The following DLG2 variants were observed in gnomAD, a reference collection of about 807,000 sequenced individuals.
DLG2 encodes disks large homolog 2.
A neutral mutation model predicts 132.5 loss-of-function variants in DLG2; 45 were observed. The ratio of observed to expected loss-of-function variants is 0.34; its 90% confidence interval spans 0.27 to 0.44. The LOEUF is 0.44. Ranked by LOEUF, DLG2 falls within the 20% of genes least tolerant of loss-of-function variation. The pLI, the probability that DLG2 is intolerant of heterozygous loss-of-function variation, is 1.00. For synonymous variants in DLG2, 424 were observed against 419.6 expected (o/e 1.01, Z -0.13); for missense variants, 1,045 against 1,196.9 (o/e 0.87, Z 1.87).
chr11:84,785,156 G>C (rs1489885001), intron 6 of DLG2, among the ~76,000 whole-genome samples: 1 of 151,374 alleles, frequency 6.6e-6, no homozygotes, highest in Non-Finnish European at 1.5e-5. Flanking sequence ...GCTATATATG[G>C]TTTGCATGTC....
At chr11:84,723,457 G>A (rs2153801016) in intron 6 of DLG2, among the ~76,000 whole-genome samples, 1 of 152,234 alleles carries the variant, frequency 6.6e-6, no homozygotes, top group African/African-American at 2.4e-5. Context: ...GTGTTTATCT[G>A]TTATCCGTTT....
At chr11:83,709,875 GGCAGATACA>G (rs987365666) in intron 18 of DLG2, among the ~76,000 whole-genome samples, 1 of 152,144 alleles carries the variant, frequency 6.6e-6, no homozygotes, top group African/African-American at 2.4e-5. Context: ...TCATTGAAAG[GGCAGATACA>G]GCCTCTAAAA....
chr11:83,945,968 T>TTCC (rs1555194418), intron 14 of DLG2, among the ~76,000 whole-genome samples: 3,096 of 147,612 alleles, frequency 0.021, 57 homozygotes, highest in East Asian at 0.1. Context: ...CTTCCTTCCT[T>TTCC]TTCTCTTTCT....
intron 4 of DLG2, among the ~76,000 whole-genome samples, chr11:85,249,395 GTATT>G (rs1287739333): frequency 9.9e-5 from 15 of 151,632 alleles, no homozygotes; most frequent in South Asian, 8.3e-4. Context: ...ATATCTGTAT[GTATT>G]TATATGTGTA....
intron 9 of DLG2, among the ~76,000 whole-genome samples, chr11:84,159,562 G>C (rs1276104566): frequency 6.6e-6 from 1 of 152,180 alleles, no homozygotes; most frequent in Non-Finnish European, 1.5e-5. Flanking sequence ...AATTTATGAA[G>C]AGTTGGTGGT....
At chr11:84,935,513 C>G (rs1219498160) in intron 6 of DLG2, among the ~76,000 whole-genome samples, 1 of 152,138 alleles carries the variant, frequency 6.6e-6, no homozygotes, top group Non-Finnish European at 1.5e-5. Context: ...GTACTATGCC[C>G]TCTTCAACAC....
intron 18 of DLG2, among the ~76,000 whole-genome samples, chr11:83,665,592 C>T (rs916773891): frequency 4.6e-5 from 7 of 152,124 alleles, no homozygotes; most frequent in Middle Eastern, 3.2e-3. Flanking sequence ...GAAGAGAGAT[C>T]GGAGAGAATT....
chr11:84,179,264 T>C (rs764982436), intron 8 of DLG2, among the ~76,000 whole-genome samples: 3 of 152,120 alleles, frequency 2.0e-5, no homozygotes, highest in Non-Finnish European at 4.4e-5. Context: ...AGCTTAGAAG[T>C]TGCCATTCTG....
intron 6 of DLG2, among the ~76,000 whole-genome samples, chr11:84,634,856 C>G (rs1433975946): frequency 6.6e-6 from 1 of 152,170 alleles, no homozygotes; most frequent in Non-Finnish European, 1.5e-5. Context: ...TCCTCTCAAT[C>G]TGCTTCAACA....
intron 7 of DLG2, among the ~76,000 whole-genome samples, chr11:84,363,910 T>C (rs1022323661): frequency 6.6e-6 from 1 of 152,180 alleles, no homozygotes; most frequent in Non-Finnish European, 1.5e-5. Context: ...TTGGTTACTG[T>C]AGCCTTGTAG....
intron 6 of DLG2, among the ~76,000 whole-genome samples, chr11:84,623,155 T>C (rs1450493157): frequency 6.6e-6 from 1 of 152,188 alleles, no homozygotes; most frequent in Admixed American, 6.5e-5. Context: ...TCCCTACTGA[T>C]GACTGGATAT....
chr11:85,007,742 ACT>A (rs1566633859), intron 6 of DLG2, among the ~76,000 whole-genome samples: 1 of 150,648 alleles, frequency 6.6e-6, no homozygotes, highest in Admixed American at 6.6e-5. Flanking sequence ...AGAGGAGAAA[ACT>A]CTCTGGTTTT....
At chr11:84,706,208 C>T (rs1421483457) in intron 6 of DLG2, among the ~76,000 whole-genome samples, 3 of 151,722 alleles carry the variant, frequency 2.0e-5, no homozygotes, top group Admixed American at 6.6e-5. Flanking sequence ...ACTGTATTTG[C>T]TAAACAAACG....
At chr11:84,053,573 A>C (rs956970698) in intron 11 of DLG2, among the ~76,000 whole-genome samples, 1 of 151,998 alleles carries the variant, frequency 6.6e-6, no homozygotes, top group Non-Finnish European at 1.5e-5. Flanking sequence ...ATATGGTAAT[A>C]AGAGTAAAAA....
At chr11:85,032,750 A>G (rs1351010215) in intron 6 of DLG2, among the ~76,000 whole-genome samples, 1 of 152,206 alleles carries the variant, frequency 6.6e-6, no homozygotes, top group Non-Finnish European at 1.5e-5. Context: ...CAAAGAAAAA[A>G]AAGAAAAACT....
intron 6 of DLG2, among the ~76,000 whole-genome samples, chr11:85,007,887 T>C (rs940339183): frequency 6.6e-6 from 1 of 152,046 alleles, no homozygotes; most frequent in Non-Finnish European, 1.5e-5. Context: ...ATTGAAATTA[T>C]GTCTACCCTA....
At chr11:83,576,628 A>T (rs1350983355) in intron 19 of DLG2, among the ~76,000 whole-genome samples, 1 of 152,230 alleles carries the variant, frequency 6.6e-6, no homozygotes, top group Non-Finnish European at 1.5e-5. Context: ...TGAAGGCAAC[A>T]TCTTTAAAGT....
intron 6 of DLG2, among the ~76,000 whole-genome samples, chr11:84,879,737 T>C (rs777710248): frequency 7.9e-5 from 12 of 152,150 alleles, no homozygotes; most frequent in Non-Finnish European, 1.2e-4. Flanking sequence ...CAGAATCATA[T>C]GTATGTCATC....
intron 11 of DLG2, among the ~76,000 whole-genome samples, chr11:84,041,326 C>T (rs992591053): frequency 7.9e-5 from 12 of 151,808 alleles, no homozygotes; most frequent in Non-Finnish European, 1.8e-4. Context: ...ATCACTATGC[C>T]AAAGGGTTTA....
Sources: gnomAD v4.1 joint callset for allele counts (sites outside exome capture counted in the v4.1 genomes callset) on GRCh38, gnomAD v4.1.1 for gene constraint, MANE v1.5 for transcripts, NCBI Gene and HGNC (gene_info 2026-07-23, HGNC 2026-07-21) for gene names.